The following KCNH8 variants were observed in gnomAD, a reference collection of about 807,000 sequenced individuals.
The protein encoded by KCNH8 is potassium voltage-gated channel subfamily H member 8.
KCNH8 carries 70 observed loss-of-function variants against 103.6 expected under a neutral mutation model. The ratio of observed to expected loss-of-function variants is 0.68; its 90% CI spans 0.56 to 0.82. The LOEUF (loss-of-function observed/expected upper bound fraction) is 0.82, where lower values mean the gene tolerates loss of function less well. KCNH8 is among the 40% of genes least tolerant of loss of function. The pLI, the probability that KCNH8 is intolerant of heterozygous loss-of-function variation, is 0.00. For synonymous variants in KCNH8, 498 were observed against 489.4 expected (o/e 1.02, Z -0.23); for missense variants, 1,217 against 1,329.9 (o/e 0.92, Z 1.32).
intron 3 of KCNH8, among the ~76,000 whole-genome samples, chr3:19,326,061 ATTC>A (rs2065419165): frequency 6.6e-6 from 1 of 152,120 alleles, no homozygotes; most frequent in Non-Finnish European, 1.5e-5. Flanking sequence ...GGAGGCCATT[ATTC>A]TTAGCAAACT....
intron 14 of KCNH8, among the ~76,000 whole-genome samples, chr3:19,516,635 C>T (rs1239714271): frequency 6.6e-6 from 1 of 151,942 alleles, no homozygotes; most frequent in Middle Eastern, 3.2e-3. Context: ...TATTTCTAGT[C>T]CTACCACTCT....
Position 19,218,100 on chromosome 3 carries a change from A to G in KCNH8, c.77-35554A>G, listed in dbSNP as rs182370540. ...CTTAGGAATCCCTTCTTAGTAATTC[A>G]AAGTAATTCTACTCAGCACAAATAG... On this transcript the variant is annotated intron_variant, in intron 1 of 15. Coordinates refer to ENST00000328405, the MANE Select transcript of KCNH8 (RefSeq NM_144633.3). Among the ~76,000 whole-genome samples the G allele has an allele frequency of 2.4e-3, 370 of 152,348 alleles. 1 individual carries two copies. Among genetic ancestry groups the G allele is most frequent in the African/African-American group, 8.1e-3 (337 of 41,596 alleles).
Position 19,533,565 on chromosome 3 carries a change from A to C in KCNH8, c.2790A>C (p.Ala930=), listed in dbSNP as rs1161139003. The C allele has an allele frequency of 6.2e-7, 1 of 1,614,140 alleles. No individual in the cohort carries two copies. The highest frequency in any genetic ancestry group is 1.3e-5 in the African/African-American group (1 of 75,026). ...ESLQTRTSWS[A]HQPCLHLQTG... ...TACAGACCAGAACGAGCTGGAGTGC[A>C]CACCAGCCTTGCCTACACTTGCAAA... Residue 930 remains alanine, a synonymous_variant, in exon 16 of 16, where the codon GCA becomes GCC. Coordinates refer to ENST00000328405, the MANE Select transcript of KCNH8 (RefSeq NM_144633.3).
At chr3:19,289,348 T>C (rs911081797) in intron 3 of KCNH8, among the ~76,000 whole-genome samples, 1 of 152,226 alleles carries the variant, frequency 6.6e-6, no homozygotes, top group African/African-American at 2.4e-5. Flanking sequence ...TCTAGGGTTT[T>C]TATGGTTTTA....
intron 7 of KCNH8, among the ~76,000 whole-genome samples, chr3:19,431,298 G>A (rs369888916): frequency 5.3e-5 from 8 of 152,282 alleles, no homozygotes; most frequent in Admixed American, 2.6e-4. Flanking sequence ...ATTGATTTGT[G>A]TATGTTGAAC....
chr3:19,231,212 C>G (rs1468500932), intron 1 of KCNH8, among the ~76,000 whole-genome samples: 2 of 151,944 alleles, frequency 1.3e-5, no homozygotes, highest in African/African-American at 4.8e-5. Flanking sequence ...TGCATATACA[C>G]CTCTATACTT....
intron 3 of KCNH8, among the ~76,000 whole-genome samples, chr3:19,337,439 T>C (rs1364947808): frequency 6.6e-6 from 1 of 152,042 alleles, no homozygotes; most frequent in Admixed American, 6.6e-5. Flanking sequence ...TGTTGCTTAG[T>C]AACTAAAATG....
At chr3:19,446,822 A>C (rs545408768) in intron 8 of KCNH8, among the ~76,000 whole-genome samples, 39 of 152,120 alleles carry the variant, frequency 2.6e-4, no homozygotes, top group Non-Finnish European at 4.4e-4. Context: ...GAAAAGAGAA[A>C]GGAAAAGACA....
intron 15 of KCNH8, among the ~76,000 whole-genome samples, chr3:19,519,311 A>T (rs1003608349): frequency 6.6e-6 from 1 of 151,832 alleles, no homozygotes; most frequent in Admixed American, 6.6e-5. Context: ...CTTTGGGGAA[A>T]ATGTAATCAC....
At chr3:19,353,096 C>G (rs1375808609) in intron 5 of KCNH8, among the ~76,000 whole-genome samples, 1 of 152,100 alleles carries the variant, frequency 6.6e-6, no homozygotes, top group Non-Finnish European at 1.5e-5. Flanking sequence ...TCAGAGAATA[C>G]TATAAACACC....
intron 1 of KCNH8, among the ~76,000 whole-genome samples, chr3:19,243,035 G>C (rs1320075588): frequency 3.3e-5 from 5 of 152,158 alleles, no homozygotes; most frequent in Non-Finnish European, 5.9e-5. Context: ...CTGAGCCAAA[G>C]TTTCTTCATC....
intron 5 of KCNH8, among the ~76,000 whole-genome samples, chr3:19,374,156 G>A (rs2066151993): frequency 6.7e-6 from 1 of 150,098 alleles, no homozygotes; most frequent in Non-Finnish European, 1.5e-5. Context: ...TCAATTCCTG[G>A]GTATCCTTGT....
chr3:19,497,812 C>T (rs774767121), intron 11 of KCNH8, among the ~76,000 whole-genome samples: 2 of 152,064 alleles, frequency 1.3e-5, no homozygotes, highest in Non-Finnish European at 2.9e-5. Context: ...TCTGCCTGAA[C>T]AATTTGTCTA....
chr3:19,379,425 A>G (rs2066257659), intron 5 of KCNH8, among the ~76,000 whole-genome samples: 1 of 152,160 alleles, frequency 6.6e-6, no homozygotes, highest in Non-Finnish European at 1.5e-5. Context: ...GCAGATCACG[A>G]GGCCAGGAGA....
chr3:19,521,983 A>C (rs1559370166), intron 15 of KCNH8, among the ~76,000 whole-genome samples: 1 of 151,956 alleles, frequency 6.6e-6, no homozygotes. Context: ...ATAAAGTGAG[A>C]GAAAACAGGT....
At chr3:19,150,752 A>C (rs1384835748) in intron 1 of KCNH8, among the ~76,000 whole-genome samples, 1 of 152,322 alleles carries the variant, frequency 6.6e-6, no homozygotes, top group South Asian at 2.1e-4. Context: ...GACCATCCTG[A>C]CATACCTGTA....
chr3:19,518,812 A>G (rs1398534466), intron 15 of KCNH8, among the ~76,000 whole-genome samples: 1 of 152,010 alleles, frequency 6.6e-6, no homozygotes, highest in Non-Finnish European at 1.5e-5. Context: ...TTTTCTGGCA[A>G]TTTTATAGAA....
intron 5 of KCNH8, among the ~76,000 whole-genome samples, chr3:19,389,817 A>G (rs924124434): frequency 6.6e-6 from 1 of 151,916 alleles, no homozygotes; most frequent in Non-Finnish European, 1.5e-5. Context: ...TTTAATAGAG[A>G]TGAGTTCTCG....
Position 19,534,056 on chromosome 3 carries a change from C to G in KCNH8, c.3281C>G (p.Thr1094Arg). 6 of 1,614,118 alleles carry G rather than the reference C, an allele frequency of 3.7e-6. No homozygotes were observed. Among genetic ancestry groups the G allele is most frequent in the Non-Finnish European group, 5.1e-6 (6 of 1,179,990 alleles). ...GAGAACCTTCCACTGGAAGTTGTCACAAGCACAGCAGAAGTGAAAGATAAC... is the reference window on the plus strand; with the variant it reads ...GAGAACCTTCCACTGGAAGTTGTCAGAAGCACAGCAGAAGTGAAAGATAAC... The part of the protein sequence containing the change: ...PLENLPLEVV[T>R]STAEVKDNKA... The change falls in exon 16 of 16, where the codon ACA becomes AGA. Residue 1094 changes from threonine to arginine, a missense_variant. Physicochemically the swap from Thr to Arg is moderately conservative, Grantham distance 71. Transcript: ENST00000328405.
Sources: gnomAD v4.1 joint callset for allele counts (sites outside exome capture counted in the v4.1 genomes callset) on GRCh38, gnomAD v4.1.1 for gene constraint, MANE v1.5 for transcripts, NCBI Gene and HGNC (gene_info 2026-07-23, HGNC 2026-07-21) for gene names.